DMD: variants seen among roughly 807,000 people sequenced by gnomAD.
DMD encodes mutant dystrophin.
Under a neutral mutation model 330.1 loss-of-function variants are expected in DMD, and 63 were observed. That is an observed-to-expected ratio of 0.19 (90% confidence interval 0.16 to 0.24). The LOEUF is 0.24. Ranked by LOEUF, DMD falls within the 10% of genes least tolerant of loss-of-function variation. DMD has a pLI of 1.00. For synonymous variants in DMD, 1,223 were observed against 959.8 expected (o/e 1.27, Z -5.07); for missense variants, 3,344 against 2,684.1 (o/e 1.25, Z -5.43).
chrX:31,542,967 G>T (rs983349593), intron 55 of DMD, among the ~76,000 whole-genome samples: 3 of 111,489 alleles, frequency 2.7e-5, no homozygotes, highest in Non-Finnish European at 5.7e-5. Flanking sequence ...CCCCTCTGCT[G>T]TTACATGTGG....
chrX:31,626,704 G>A, intron 55 of DMD, among the ~76,000 whole-genome samples: 1 of 111,516 alleles, frequency 9.0e-6, no homozygotes, highest in Non-Finnish European at 1.9e-5. Flanking sequence ...CGATAGGAGG[G>A]AGAGGAGAAG....
At chrX:32,566,731 TA>T (rs1264568214) in intron 15 of DMD, among the ~76,000 whole-genome samples, 1 of 112,016 alleles carries the variant, frequency 8.9e-6, no homozygotes, top group African/African-American at 3.3e-5. Context: ...GTGAAATCAG[TA>T]AATCAGGGCA....
chrX:32,542,459 A>G (rs2048575425), intron 17 of DMD, among the ~76,000 whole-genome samples: 1 of 111,934 alleles, frequency 8.9e-6, no homozygotes, highest in African/African-American at 3.3e-5. Context: ...AAAGGCAAAG[A>G]GATGGATCTG....
In DMD at chrX:31,312,346, A is replaced by G. The variant is rs2055588577; in HGVS notation, c.9224+11252T>C. ...GAAGACATTTACATGGCCAACAAAC[A>G]TATGAAAAAAAGCTCAACATCACTG... is the stretch of plus-strand genomic sequence containing the variant. On this transcript the variant is annotated intron_variant, in intron 62 of 78. Coordinates refer to ENST00000357033, the MANE Select transcript of DMD (RefSeq NM_004006.3). 3.6e-5 allele frequency among the ~76,000 whole-genome samples: 4 copies of G among 112,610 alleles called. No homozygotes were observed. In the Admixed American group the frequency reaches 3.7e-4, roughly 11 times the overall value.
chrX:33,184,762 C>T (rs1444594973), intron 1 of DMD, among the ~76,000 whole-genome samples: 10 of 85,816 alleles, frequency 1.2e-4, no homozygotes, highest in Non-Finnish European at 1.9e-4. Flanking sequence ...CTCGCTCTGT[C>T]GCCCAGGCTG....
At chrX:33,262,427 A>G (rs1024311202) in intron 1 of DMD, among the ~76,000 whole-genome samples, 2 of 111,523 alleles carry the variant, frequency 1.8e-5, no homozygotes, top group African/African-American at 6.5e-5. Context: ...TGATAATTTT[A>G]TAGAACTGAT....
intron 30 of DMD, among the ~76,000 whole-genome samples, chrX:32,407,615 G>T (rs370942722): frequency 9.1e-6 from 1 of 110,425 alleles, no homozygotes; most frequent in African/African-American, 3.3e-5. Context: ...CAGCCATCCC[G>T]TTACTGGGTA....
intron 59 of DMD, among the ~76,000 whole-genome samples, chrX:31,474,716 AT>A (rs200432367): frequency 0.031 from 2,883 of 94,263 alleles, 131 homozygotes; most frequent in East Asian, 0.078. Flanking sequence ...CAAAAAAAAA[AT>A]AAAATAAAAT....
chrX:32,592,987 T>C (rs940113722), intron 13 of DMD, among the ~76,000 whole-genome samples: 1 of 113,017 alleles, frequency 8.8e-6, no homozygotes, highest in African/African-American at 3.2e-5. Flanking sequence ...TGCCTGTCTG[T>C]GCACAGTGGC....
chrX:31,878,319 T>C (rs1420476107), intron 47 of DMD, among the ~76,000 whole-genome samples: 1 of 112,027 alleles, frequency 8.9e-6, no homozygotes. Context: ...CTCACTGACC[T>C]TTGATTTCTG....
intron 7 of DMD, among the ~76,000 whole-genome samples, chrX:32,736,004 T>C (rs1392879024): frequency 1.8e-5 from 2 of 111,419 alleles, no homozygotes; most frequent in Non-Finnish European, 3.8e-5. Flanking sequence ...AGAAAATTTT[T>C]GCAACCTACT....
chrX:31,236,883 G>GA (rs1316017994), intron 63 of DMD, among the ~76,000 whole-genome samples: 1 of 111,337 alleles, frequency 9.0e-6, no homozygotes, highest in African/African-American at 3.3e-5. Flanking sequence ...CATATGTTTT[G>GA]ACAGTCAAAT....
chrX:32,069,593 A>G (rs183691456), intron 44 of DMD, among the ~76,000 whole-genome samples: 1 of 111,830 alleles, frequency 8.9e-6, no homozygotes, highest in South Asian at 3.7e-4. Flanking sequence ...TTTTCATTTG[A>G]AGCAGTAAAA....
At chrX:33,216,189 T>G (rs1285575451), upstream of DMD, among the ~76,000 whole-genome samples, 1 of 112,144 alleles carries the variant, frequency 8.9e-6, no homozygotes, top group African/African-American at 3.2e-5. Context: ...ATTTGTGTTG[T>G]CTCTGATTTC....
chrX:32,853,769 G>GAA (rs1162458210), intron 2 of DMD, among the ~76,000 whole-genome samples: 3,134 of 56,053 alleles, frequency 0.056, 179 homozygotes, highest in African/African-American at 0.14. Context: ...CACAGTGACA[G>GAA]AAAAAAAAAA....
intron 13 of DMD, among the ~76,000 whole-genome samples, chrX:32,595,516 T>A (rs1401181032): frequency 9.0e-6 from 1 of 111,693 alleles, no homozygotes; most frequent in Non-Finnish European, 1.9e-5. Flanking sequence ...TTATTTAATA[T>A]TAATTGAAAT....
chrX:31,319,026 C>T (rs7877789), intron 62 of DMD, among the ~76,000 whole-genome samples: 1,219 of 112,223 alleles, frequency 0.011, 13 homozygotes, highest in African/African-American at 0.036. Flanking sequence ...CTAATATATG[C>T]AGAAGAGGTT....
At chrX:31,507,226 A>G (rs755588699) in intron 56 of DMD, 55 bp downstream of exon 56, 1 of 1,161,609 alleles carries the variant, frequency 8.6e-7, no homozygotes, top group East Asian at 3.0e-5. Context: ...GACAATGAGG[A>G]AAATTTGGCC....
chrX:32,041,028 C>A (rs1200312237), intron 44 of DMD, among the ~76,000 whole-genome samples: 1 of 111,234 alleles, frequency 9.0e-6, no homozygotes, highest in Non-Finnish European at 1.9e-5. Context: ...TGGGGAGGAA[C>A]AATCCTAAAT....
Sources: allele counts gnomAD v4.1 joint callset (sites outside exome capture counted in the v4.1 genomes callset), GRCh38; gene constraint gnomAD v4.1.1; transcripts MANE v1.5; gene names NCBI Gene and HGNC (gene_info 2026-07-23, HGNC 2026-07-21).